MYOM2: variants seen among roughly 807,000 people sequenced by gnomAD.
MYOM2 encodes myomesin-2.
Under a neutral mutation model 187.6 loss-of-function variants are expected in MYOM2, and 254 were observed. The ratio of observed to expected loss-of-function variants is 1.35; its 90% confidence interval spans 1.22 to 1.50. MYOM2 has a LOEUF of 1.50. Ranked by LOEUF, MYOM2 falls within the 40% of genes most tolerant of loss-of-function variation. The pLI, the probability that MYOM2 is intolerant of heterozygous loss-of-function variation, is 0.00. For missense variants in MYOM2, 2,796 were observed against 1,924.0 expected (o/e 1.45, Z -8.48); for synonymous variants, 981 against 753.8 (o/e 1.30, Z -4.94).
chr8:2,066,326 C>G (rs565324716), intron 6 of MYOM2, among the ~76,000 whole-genome samples: 129 of 152,278 alleles, frequency 8.5e-4, no homozygotes, highest in African/African-American at 3.0e-3. Context: ...CAGCAGATTC[C>G]GATCAAGCAG....
At chr8:2,085,518 C>CCCCACTGTCGTGATCTCTGCGTGGCTT (rs1819813857) in intron 14 of MYOM2, 128 bp downstream of exon 14, 1 of 619,716 alleles carries the variant, frequency 1.6e-6, no homozygotes. Flanking sequence ...CCGCGTGGCC[C>CCCCACTGTCGTGATCTCTGCGTGGCTT]CCCACTGTTG....
At chr8:2,094,221 C>T in intron 17 of MYOM2, 130 bp downstream of exon 17, 3 of 1,214,338 alleles carry the variant, frequency 2.5e-6, no homozygotes, top group Non-Finnish European at 2.3e-6. Context: ...GAACAGAGAA[C>T]TTGAGTTTCT....
intron 31 of MYOM2, among the ~76,000 whole-genome samples, chr8:2,127,269 C>A (rs182800841): frequency 1.3e-5 from 2 of 152,248 alleles, no homozygotes; most frequent in East Asian, 1.9e-4. Context: ...TCCCACCTGA[C>A]TGGGGAGGGG....
intron 6 of MYOM2, among the ~76,000 whole-genome samples, chr8:2,063,358 C>T (rs568130342): frequency 1.3e-5 from 2 of 152,292 alleles, no homozygotes; most frequent in South Asian, 2.1e-4. Context: ...TCCTTGGCCA[C>T]GGTAGCTGGA....
In MYOM2 at chr8:2,109,456, G is replaced by T. The variant is rs769325159; in HGVS notation, c.3105G>T (p.Trp1035Cys). Residue 1035 changes from tryptophan to cysteine, a missense_variant, in exon 25 of 37, where the codon TGG (tryptophan) becomes TGT (cysteine). Coordinates refer to ENST00000262113, the MANE Select transcript of MYOM2 (RefSeq NM_003970.4). The part of the protein sequence containing the change: ...EIFDKGRVRF[W>C]LQAEHLSPDA... ...TTGATAAGGGGCGGGTTCGCTTCTG[G>T]CTCCAGGCTGAGCACTTATCACCAG... 3.7e-6 allele frequency: 6 copies of T among 1,613,078 alleles called. No individual in the cohort carries two copies. In the African/African-American group the frequency reaches 8.0e-5, roughly 22 times the overall value.
chr8:2,134,607 G>T (rs1450588481), intron 32 of MYOM2, among the ~76,000 whole-genome samples: 2 of 141,722 alleles, frequency 1.4e-5, no homozygotes, highest in African/African-American at 5.7e-5. Context: ...CATTTGTTCT[G>T]CTGGGAGGCG....
chr8:2,073,122 C>G (rs1008827664), intron 9 of MYOM2, among the ~76,000 whole-genome samples: 2 of 152,212 alleles, frequency 1.3e-5, no homozygotes, highest in Admixed American at 6.5e-5. Flanking sequence ...TTGACCCACT[C>G]AAGTGGCAGC....
chr8:2,136,161 C>A (rs1008009483), intron 32 of MYOM2, among the ~76,000 whole-genome samples: 20 of 152,214 alleles, frequency 1.3e-4, no homozygotes, highest in Admixed American at 3.9e-4. Flanking sequence ...AGAACGCCAA[C>A]ATGGGCAGCT....
chr8:2,064,134 G>A (rs1393496738), intron 6 of MYOM2, among the ~76,000 whole-genome samples: 9 of 152,320 alleles, frequency 5.9e-5, no homozygotes, highest in African/African-American at 9.6e-5. Flanking sequence ...GAGAGTGGCC[G>A]CCCTTCCTCC....
At chr8:2,067,817 A>T (rs1289955918) in intron 6 of MYOM2, among the ~76,000 whole-genome samples, 1 of 152,084 alleles carries the variant, frequency 6.6e-6, no homozygotes, top group East Asian at 1.9e-4. Context: ...TCCAACTCAG[A>T]CATTTCAATA....
chr8:2,052,677 A>T (rs1205676174), intron 3 of MYOM2, among the ~76,000 whole-genome samples: 1 of 152,216 alleles, frequency 6.6e-6, no homozygotes, highest in Non-Finnish European at 1.5e-5. Context: ...CTTTCCAGAC[A>T]GAGCAGGATA....
rs35583392 is a variant in MYOM2, at chr8:2,141,172, A to G, written c.3996A>G (p.Gln1332=). Residue 1332 remains glutamine, a synonymous_variant, in exon 34 of 37, where the codon CAA becomes CAG. Coordinates refer to ENST00000262113, the MANE Select transcript of MYOM2 (RefSeq NM_003970.4). ...AFDEAFAEFQ[Q]FKAAAFAEKN... ...ATGAAGCATTTGCAGAATTCCAGCA[A>G]TTCAAGTAAGATTTGTGTATTTAGT... 2,003 of 1,612,252 alleles carry G rather than the reference A, an allele frequency of 1.2e-3. 11 individuals carry two copies. The Middle Eastern group carries it at 0.016, about 13-fold the overall frequency.
intron 10 of MYOM2, among the ~76,000 whole-genome samples, chr8:2,075,126 G>C (rs1819373483): frequency 6.6e-6 from 1 of 152,190 alleles, no homozygotes; most frequent in African/African-American, 2.4e-5. Flanking sequence ...AAAAGAAAGA[G>C]AAGAAATGTC....
rs1248300219 is a variant in MYOM2 at position 2,085,331 on chromosome 8, C to G, written c.1585C>G (p.Leu529Val). 7 of 1,614,066 alleles carry G rather than the reference C, an allele frequency of 4.3e-6. No individual in the cohort carries two copies. In the Admixed American group the frequency reaches 6.7e-5, roughly 15 times the overall value. ...ASEISRNYVV[L>V]SWEPPTPRGK... The stretch of plus-strand genomic sequence containing the variant: ...CGAGATCAGCAGAAACTATGTCGTC[C>G]TCAGCTGGGAGCCACCCACTCCCCG... The change falls in exon 14 of 37, where the codon CTC becomes GTC. Residue 529 changes from leucine (L) to valine (V), a missense_variant. Leu to Val is a conservative substitution (Grantham distance 32). Coordinates refer to ENST00000262113, the MANE Select transcript of MYOM2 (RefSeq NM_003970.4).
In MYOM2 at chr8:2,096,265, A is replaced by T; in HGVS notation, c.2144A>T (p.Tyr715Phe). 1 of 1,614,012 alleles carries T rather than the reference A, an allele frequency of 6.2e-7. No individual in the cohort carries two copies. Among genetic ancestry groups the T allele is most frequent in the Non-Finnish European group, 8.5e-7 (1 of 1,179,996 alleles). The change falls in exon 18 of 37, where the codon TAT becomes TTT. Residue 715 changes from tyrosine (Y) to phenylalanine (F), a missense_variant. Tyr to Phe is a conservative substitution (Grantham distance 22). Transcript: ENST00000262113. ...CTTGCAGCCGTCCCGTCCCATCCTT[A>T]TGGGATTACGCTCCTCAACTGTGAC... ...QAALTVPSHP[Y>F]GITLLNCDGH... is the part of the protein sequence containing the mutation.
chr8:2,108,582 C>G (rs1796967990), intron 23 of MYOM2, among the ~76,000 whole-genome samples: 2 of 152,186 alleles, frequency 1.3e-5, no homozygotes, highest in South Asian at 2.1e-4. Context: ...TTGTCCTCAG[C>G]TGCCCCTGTA....
chr8:2,089,105 G>A (rs1168746792), intron 14 of MYOM2, among the ~76,000 whole-genome samples: 2 of 51,954 alleles, frequency 3.8e-5, no homozygotes, highest in Non-Finnish European at 1.0e-4. Context: ...AGAAGTCTGG[G>A]TTGCTATCTG....
At chr8:2,079,393 GCTAA>G (rs1340733172) in intron 12 of MYOM2, among the ~76,000 whole-genome samples, 163 bp from the exon 13 acceptor site, 2 of 151,980 alleles carry the variant, frequency 1.3e-5, no homozygotes, top group African/African-American at 2.4e-5. Context: ...GCTGAGAAGT[GCTAA>G]CTGTTACCAG....
intron 2 of MYOM2, 100 bp from the exon 3 acceptor site, chr8:2,052,058 C>T: frequency 6.9e-7 from 1 of 1,451,436 alleles, no homozygotes; most frequent in South Asian, 1.2e-5. Context: ...CTGCATATAC[C>T]AGTGGTTTGG....
Sources: allele counts gnomAD v4.1 joint callset (sites outside exome capture counted in the v4.1 genomes callset), GRCh38; gene constraint gnomAD v4.1.1; transcripts MANE v1.5; gene names NCBI Gene and HGNC (gene_info 2026-07-23, HGNC 2026-07-21).